Variants in ADAM18 observed in about 807,000 individuals in gnomAD.
ADAM18 encodes disintegrin and metalloproteinase domain-containing protein 18.
In ADAM18, 117 loss-of-function variants were observed where a neutral mutation model predicts 94.4. The ratio of observed to expected loss-of-function variants is 1.24; its 90% confidence interval spans 1.07 to 1.45. The LOEUF is 1.45. Among genes scored for constraint, ADAM18 ranks in the 40% most tolerant of loss-of-function variants. The pLI, the probability that ADAM18 is intolerant of heterozygous loss-of-function variation, is 0.00. For synonymous variants in ADAM18, 327 were observed against 291.6 expected, an observed-to-expected ratio of 1.12 and a Z score of -1.24; for missense variants, 936 against 880.0, an observed-to-expected ratio of 1.06 and a Z score of -0.81.
intron 8 of ADAM18, 50 bp downstream of exon 8, chr8:39,637,385 A>T (rs776614458): frequency 6.5e-7 from 1 of 1,547,480 alleles, no homozygotes; most frequent in African/African-American, 1.4e-5. Context: ...TTTCTTTAAT[A>T]TAATTTGGGT....
intron 12 of ADAM18, among the ~76,000 whole-genome samples, chr8:39,652,228 CAACAAAGGA>C (rs980362340): frequency 6.6e-6 from 1 of 151,822 alleles, no homozygotes; most frequent in African/African-American, 2.4e-5. Context: ...AGCTTCTACA[CAACAAAGGA>C]AACAGTCAAC....
intron 14 of ADAM18, among the ~76,000 whole-genome samples, chr8:39,674,254 G>A (rs912734198): frequency 6.6e-6 from 1 of 152,096 alleles, no homozygotes; most frequent in Non-Finnish European, 1.5e-5. Context: ...TTGTGTGGGA[G>A]TCTAAGTCTC....
intron 18 of ADAM18, among the ~76,000 whole-genome samples, chr8:39,722,233 AT>A (rs1822779338): frequency 2.4e-5 from 1 of 40,912 alleles, no homozygotes. Flanking sequence ...ATATATATAT[AT>A]ATATATATAT....
intron 3 of ADAM18, among the ~76,000 whole-genome samples, chr8:39,606,676 A>T (rs555534172): frequency 1.3e-5 from 2 of 152,288 alleles, no homozygotes; most frequent in East Asian, 3.9e-4. Context: ...GAAATCAAAC[A>T]TAGTTATGTC....
intron 17 of ADAM18, 74 bp from the exon 18 acceptor site, chr8:39,706,716 A>T (rs1462012796): frequency 3.1e-6 from 2 of 644,716 alleles, no homozygotes; most frequent in Non-Finnish European, 5.4e-6. Context: ...AGTTATTTAT[A>T]TCAGATACAA....
chr8:39,709,809 C>T lies in ADAM18; in HGVS notation c.2017+2905C>T, dbSNP rs574675576. Among the ~76,000 whole-genome samples, 3 of 152,230 alleles carry T rather than the reference C, an allele frequency of 2.0e-5. No homozygotes were observed. The South Asian group carries it at 6.2e-4, about 32-fold the overall frequency. On this transcript the variant is annotated intron_variant, in intron 18 of 19. Coordinates refer to ENST00000265707, the MANE Select transcript of ADAM18 (RefSeq NM_014237.3). ...AAACAATAAAAGGAAAAATAAGTTGCTACATAATATCAATTTTTGTGAATA... is the reference window on the plus strand; with the variant it reads ...AAACAATAAAAGGAAAAATAAGTTGTTACATAATATCAATTTTTGTGAATA...
chr8:39,728,594 A>G (rs182829978), intron 19 of ADAM18, among the ~76,000 whole-genome samples: 1 of 152,320 alleles, frequency 6.6e-6, no homozygotes, highest in Admixed American at 6.5e-5. Flanking sequence ...AATAAATATG[A>G]CATACAACAT....
At chr8:39,587,218 T>C (rs1312290314) in intron 2 of ADAM18, among the ~76,000 whole-genome samples, 1 of 152,218 alleles carries the variant, frequency 6.6e-6, no homozygotes, top group Non-Finnish European at 1.5e-5. Flanking sequence ...TTGTTTTGTG[T>C]TTTGTGCTAA....
chr8:39,611,710 A>G (rs1402915891), intron 6 of ADAM18: 3 of 623,758 alleles, frequency 4.8e-6, no homozygotes, highest in African/African-American at 4.0e-5. Context: ...TTGCAGATTA[A>G]ATCATTATCC....
chr8:39,669,674 A>G (rs928049299), intron 14 of ADAM18, among the ~76,000 whole-genome samples: 25 of 151,898 alleles, frequency 1.6e-4, no homozygotes, highest in African/African-American at 5.6e-4. Context: ...ATAGTATTCC[A>G]TGGTGTATAT....
At position 39,648,503 on chromosome 8, in the gene ADAM18, A is replaced by G; in HGVS notation, c.1206A>G (p.Glu402=). Residue 402 remains glutamate, a synonymous_variant, in exon 12 of 20, where the codon GAA becomes GAG. Coordinates refer to ENST00000265707, the MANE Select transcript of ADAM18 (RefSeq NM_014237.3). ...GTAATGGGATTTTGGAATCCAATGA[A>G]GAATGTGACTGTGGTAATAAAAATG... The part of the protein sequence containing the change: ...VCGNGILESN[E]ECDCGNKNEC... 6.2e-7 allele frequency: 1 copy of G among 1,606,456 alleles called. No homozygotes were observed. Among genetic ancestry groups the G allele is most frequent in the Non-Finnish European group, 8.5e-7 (1 of 1,177,294 alleles).
chr8:39,629,806 G>A (rs1420058241), intron 7 of ADAM18, among the ~76,000 whole-genome samples: 2 of 151,548 alleles, frequency 1.3e-5, no homozygotes, highest in East Asian at 1.9e-4. Context: ...TTTATTTTAG[G>A]GGTGTTAGAT....
At chr8:39,699,982 A>ATC (rs1822019296) in intron 17 of ADAM18, among the ~76,000 whole-genome samples, 1 of 152,184 alleles carries the variant, frequency 6.6e-6, no homozygotes. Context: ...AGAGAAATGT[A>ATC]TTTTCTGGAC....
intron 5 of ADAM18, among the ~76,000 whole-genome samples, 156 bp from the exon 6 acceptor site, chr8:39,610,373 A>T (rs1213553757): frequency 6.6e-6 from 1 of 152,056 alleles, no homozygotes; most frequent in Non-Finnish European, 1.5e-5. Flanking sequence ...ACTAATGATA[A>T]ACTGCCCCCC....
chr8:39,610,390 A>G (rs952471124), intron 5 of ADAM18, 139 bp from the exon 6 acceptor site: 2 of 1,158,770 alleles, frequency 1.7e-6, no homozygotes, highest in Non-Finnish European at 2.3e-6. Flanking sequence ...CCCCCAAAAA[A>G]TAATGGAAAA....
intron 11 of ADAM18, among the ~76,000 whole-genome samples, chr8:39,647,293 G>A (rs1190475784): frequency 1.3e-5 from 2 of 151,454 alleles, no homozygotes; most frequent in African/African-American, 4.9e-5. Context: ...TTCAAGGAGA[G>A]GTACTATGCC....
chr8:39,645,434 TTCTG>T lies in ADAM18; in HGVS notation c.1011_1014del (p.Cys337Ter), dbSNP rs772776827. ...AACATATGATGACATCACTCAGTGT[TTCTG>T]TCTGAGAGCTACATGCATCATGAAT... On this transcript the variant is annotated frameshift_variant, in exon 11 of 20. Transcript: ENST00000265707. LOFTEE classifies it high-confidence loss of function. The T allele has an allele frequency of 1.2e-5, 19 of 1,612,424 alleles. No homozygotes were observed. In the African/African-American group the frequency reaches 2.0e-4, roughly 17 times the overall value.
intron 4 of ADAM18, 74 bp from the exon 5 acceptor site, chr8:39,609,411 C>G: frequency 1.0e-6 from 1 of 986,668 alleles, no homozygotes. Context: ...TATTTTGAAT[C>G]TTCTGACATG....
At chr8:39,611,446 A>C in intron 6 of ADAM18, 1 of 985,048 alleles carries the variant, frequency 1.0e-6, no homozygotes, top group Non-Finnish European at 1.2e-6. Context: ...CCATGAAGCT[A>C]TGAAACCAAC....
Sources: gnomAD v4.1 joint callset for allele counts (sites outside exome capture counted in the v4.1 genomes callset) on GRCh38, gnomAD v4.1.1 for gene constraint, MANE v1.5 for transcripts, NCBI Gene and HGNC (gene_info 2026-07-23, HGNC 2026-07-21) for gene names.